Variants in DPT observed in about 807,000 individuals in gnomAD.
DPT encodes the protein dermatopontin, also known as tyrosine-rich acidic matrix protein.
A neutral mutation model predicts 31.2 loss-of-function variants in DPT; 21 were observed. That is an observed-to-expected ratio of 0.67 (90% CI 0.48 to 0.97). The LOEUF (loss-of-function observed/expected upper bound fraction) is 0.97, where lower values mean the gene tolerates loss of function less well. Among genes scored for constraint, DPT ranks in the 50% least tolerant of loss-of-function variants. DPT has a pLI of 0.00. For missense variants in DPT, 262 were observed against 258.8 expected, an observed-to-expected ratio of 1.01 and a Z score of -0.08; for synonymous variants, 91 against 86.9, an observed-to-expected ratio of 1.05 and a Z score of -0.26.
rs993595390 is a variant in DPT at position 168,704,819 on chromosome 1, G to A, written c.432-3695C>T. 7.2e-5 allele frequency among the ~76,000 whole-genome samples: 11 copies of A among 152,296 alleles called. No homozygotes were observed. In the East Asian group the frequency reaches 1.9e-3, roughly 27 times the overall value. ...CTTATGAGCTGAGGGAAATCAGTTCGAACTGAAGACAATTTTAAGATTGAT... is the reference window on the plus strand; with the variant it reads ...CTTATGAGCTGAGGGAAATCAGTTCAAACTGAAGACAATTTTAAGATTGAT... On this transcript the variant is annotated intron_variant, in intron 2 of 3. Transcript: ENST00000367817.
At chr1:168,704,355 G>T (rs1649668129) in intron 2 of DPT, among the ~76,000 whole-genome samples, 1 of 152,152 alleles carries the variant, frequency 6.6e-6, no homozygotes, top group Non-Finnish European at 1.5e-5. Context: ...CATTTCTATG[G>T]GAAGCCTTAT....
chr1:168,728,780 C>T (rs1650306631), intron 1 of DPT, 90 bp downstream of exon 1: 35 of 1,504,100 alleles, frequency 2.3e-5, no homozygotes, highest in Non-Finnish European at 2.6e-5. Context: ...GCTTTGGTTA[C>T]TGATATTCCT....
intron 2 of DPT, among the ~76,000 whole-genome samples, chr1:168,706,743 GT>G (rs1649723520): frequency 6.6e-6 from 1 of 152,210 alleles, no homozygotes; most frequent in South Asian, 2.1e-4. Flanking sequence ...GGGAATAACA[GT>G]TCCAGGGATA....
intron 2 of DPT, among the ~76,000 whole-genome samples, chr1:168,706,666 T>C (rs1245679432): frequency 1.3e-5 from 2 of 152,224 alleles, no homozygotes; most frequent in African/African-American, 4.8e-5. Flanking sequence ...CAAATGTCCA[T>C]GTCTGTCCTT....
At chr1:168,715,773 A>T (rs1398906000) in intron 1 of DPT, among the ~76,000 whole-genome samples, 7 of 152,170 alleles carry the variant, frequency 4.6e-5, no homozygotes. Context: ...GTGGATTTCC[A>T]CCTTATAGCA....
intron 3 of DPT, among the ~76,000 whole-genome samples, chr1:168,699,180 G>A (rs989720322): frequency 1.3e-5 from 2 of 152,094 alleles, no homozygotes; most frequent in Admixed American, 6.6e-5. Flanking sequence ...CTTAAACAGG[G>A]AACATAGAAC....
At chr1:168,728,690 C>A (rs567903072) in intron 1 of DPT, among the ~76,000 whole-genome samples, 180 bp downstream of exon 1, 3 of 152,132 alleles carry the variant, frequency 2.0e-5, no homozygotes, top group African/African-American at 4.8e-5. Context: ...AGGTTTTTGT[C>A]CTGTCATGTA....
chr1:168,711,613 A>G (rs927105763), intron 2 of DPT, among the ~76,000 whole-genome samples: 1 of 152,178 alleles, frequency 6.6e-6, no homozygotes, highest in African/African-American at 2.4e-5. Flanking sequence ...CCTCTGCATA[A>G]CCAACCCCGC....
intron 2 of DPT, among the ~76,000 whole-genome samples, chr1:168,706,631 G>A (rs1398392057): frequency 2.6e-5 from 4 of 152,140 alleles, no homozygotes; most frequent in Non-Finnish European, 5.9e-5. Flanking sequence ...TGAACCCAGG[G>A]GCTCTGAGGT....
At chr1:168,716,191 T>C (rs544023284) in intron 1 of DPT, among the ~76,000 whole-genome samples, 118 of 152,380 alleles carry the variant, frequency 7.7e-4, no homozygotes, top group African/African-American at 2.8e-3. Flanking sequence ...TTGTTATTCA[T>C]TTATTCACCT....
chr1:168,701,650 T>A (rs1239925853), intron 2 of DPT, among the ~76,000 whole-genome samples: 6 of 152,266 alleles, frequency 3.9e-5, no homozygotes. Context: ...GATAGTTTAA[T>A]GTTTCTTATT....
intron 2 of DPT, among the ~76,000 whole-genome samples, chr1:168,703,817 C>A (rs757790295): frequency 2.9e-4 from 44 of 152,300 alleles, no homozygotes; most frequent in Non-Finnish European, 3.2e-4. Context: ...ACCTCCCAAA[C>A]ACCATCCATA....
chr1:168,721,519 G>A (rs1650113752), intron 1 of DPT, among the ~76,000 whole-genome samples: 1 of 152,136 alleles, frequency 6.6e-6, no homozygotes, highest in Admixed American at 6.5e-5. Context: ...AAATATTGGA[G>A]CCTACATTAG....
chr1:168,708,982 ACT>A (rs1427147870), intron 2 of DPT, among the ~76,000 whole-genome samples: 2 of 152,062 alleles, frequency 1.3e-5, no homozygotes, highest in Non-Finnish European at 2.9e-5. Flanking sequence ...TAAAAAAAGC[ACT>A]CTCTGGCTTA....
At chr1:168,709,148 T>A (rs1649792496) in intron 2 of DPT, among the ~76,000 whole-genome samples, 1 of 152,186 alleles carries the variant, frequency 6.6e-6, no homozygotes, top group Admixed American at 6.5e-5. Flanking sequence ...TGAAAGGCCA[T>A]GGGTCTGGAG....
intron 2 of DPT, among the ~76,000 whole-genome samples, chr1:168,711,007 TTTC>T (rs757052121): frequency 4.0e-5 from 6 of 151,056 alleles, no homozygotes; most frequent in Non-Finnish European, 7.4e-5. Flanking sequence ...TGCTTTTTTT[TTTC>T]TTCTTCTTCT....
intron 1 of DPT, among the ~76,000 whole-genome samples, chr1:168,725,139 C>G (rs1247875158): frequency 2.0e-5 from 3 of 152,158 alleles, no homozygotes; most frequent in African/African-American, 7.2e-5. Context: ...CTACAAGTAT[C>G]ACAGTAACAC....
chr1:168,708,090 C>G (rs1254296687), intron 2 of DPT, among the ~76,000 whole-genome samples: 3 of 152,084 alleles, frequency 2.0e-5, no homozygotes, highest in Non-Finnish European at 4.4e-5. Flanking sequence ...TAAATCACCT[C>G]TAGATTACGT....
chr1:168,714,566 G>A (rs1005351532), intron 1 of DPT, among the ~76,000 whole-genome samples: 1 of 152,120 alleles, frequency 6.6e-6, no homozygotes, highest in Non-Finnish European at 1.5e-5. Flanking sequence ...ACAAAATTTA[G>A]GGAACACTGC....
Sources: gnomAD v4.1 joint callset for allele counts (sites outside exome capture counted in the v4.1 genomes callset) on GRCh38, gnomAD v4.1.1 for gene constraint, MANE v1.5 for transcripts, NCBI Gene and HGNC (gene_info 2026-07-23, HGNC 2026-07-21) for gene names.